Variants in LDLRAD4 observed in about 807,000 individuals in gnomAD.
LDLRAD4 encodes the protein low-density lipoprotein receptor class A domain-containing protein 4.
In LDLRAD4, 5 loss-of-function variants were observed where a neutral mutation model predicts 17.0. That is an observed-to-expected ratio of 0.29 (90% CI 0.15 to 0.62). The LOEUF (loss-of-function observed/expected upper bound fraction) is 0.62, where lower values mean the gene tolerates loss of function less well. LDLRAD4 is among the 20% of genes least tolerant of loss of function. The pLI, the probability that LDLRAD4 is intolerant of heterozygous loss-of-function variation, is 0.84. For missense variants in LDLRAD4, 340 were observed against 424.7 expected (o/e 0.80, Z 1.75); for synonymous variants, 168 against 171.8 (o/e 0.98, Z 0.17).
intron 3 of LDLRAD4, chr18:13,612,759 C>T (rs866461111): frequency 1.2e-6 from 2 of 1,613,912 alleles, no homozygotes; most frequent in Non-Finnish European, 1.7e-6. Context: ...GTTCAAAGAC[C>T]TGTTCTTAAA....
rs187119034 is a variant in LDLRAD4 at position 13,638,989 on chromosome 18, C to A, written c.337-4370C>A. ...AACAGCTGGGTGAATGGCTGCCTCC[C>A]TTTTGGTTGTTATTACAAGGAAATA... On this transcript the variant is annotated intron_variant, in intron 4 of 5. Coordinates refer to ENST00000359446, the Ensembl canonical transcript of LDLRAD4. 1.6e-3 allele frequency among the ~76,000 whole-genome samples: 250 copies of A among 152,300 alleles called. 1 individual carries two copies. Among genetic ancestry groups the A allele is most frequent in the African/African-American group, 5.8e-3 (242 of 41,574 alleles).
At chr18:13,572,208 G>T (rs2094702337) in intron 3 of LDLRAD4, among the ~76,000 whole-genome samples, 1 of 152,246 alleles carries the variant, frequency 6.6e-6, no homozygotes, top group African/African-American at 2.4e-5. Context: ...AAGTGAGCAT[G>T]TACTACATTG....
chr18:13,639,310 A>G (rs1393408130), intron 4 of LDLRAD4, among the ~76,000 whole-genome samples: 1 of 152,142 alleles, frequency 6.6e-6, no homozygotes, highest in Non-Finnish European at 1.5e-5. Context: ...GAGACCCCCA[A>G]CCTAGACAAG....
intron 2 of LDLRAD4, among the ~76,000 whole-genome samples, chr18:13,433,322 G>A (rs899977933): frequency 3.3e-5 from 5 of 152,206 alleles, no homozygotes; most frequent in Admixed American, 1.3e-4. Flanking sequence ...GTTTGTGAAT[G>A]ATAGAAGTGT....
At position 13,621,004 on chromosome 18, in the gene LDLRAD4, C is replaced by G. The variant is rs1169948711; in HGVS notation, c.182-113C>G. 1.4e-6 allele frequency: 2 copies of G among 1,445,910 alleles called. No individual in the cohort carries two copies. Among genetic ancestry groups the G allele is most frequent in the Non-Finnish European group, 1.9e-6 (2 of 1,041,922 alleles). 89.6% of individuals were successfully genotyped at this position (1,445,910 alleles called of 1,614,324 possible). On this transcript the variant is annotated intron_variant, in intron 3 of 5. Transcript: ENST00000359446. This position sits in a 1 kb window ranked among gnomAD's most constrained non-coding sequence, Gnocchi z 5.5. ...CTGTGTCCTGCTGGCCTCTGAGGAA[C>G]AGACGTGTGTGAGAGGCCTTCAGGG...
intron 1 of LDLRAD4, among the ~76,000 whole-genome samples, chr18:13,317,446 C>G (rs1282916992): frequency 1.3e-5 from 2 of 152,116 alleles, no homozygotes; most frequent in African/African-American, 4.8e-5. Context: ...TTTTGATGGA[C>G]TTACAGATAA....
At chr18:13,369,175 G>C (rs1041116641) in intron 1 of LDLRAD4, among the ~76,000 whole-genome samples, 1 of 152,216 alleles carries the variant, frequency 6.6e-6, no homozygotes, top group Non-Finnish European at 1.5e-5. Context: ...GGGGACGTGG[G>C]AACTGATCAT....
chr18:13,294,839 A>T (rs56232604), intron 1 of LDLRAD4, among the ~76,000 whole-genome samples: 34,251 of 151,196 alleles, frequency 0.23, 4,091 homozygotes, highest in Middle Eastern at 0.33. Context: ...AAAAAAAAAA[A>T]GTTGTCTTTT....
chr18:13,498,845 C>T (rs1226393424), intron 3 of LDLRAD4, among the ~76,000 whole-genome samples: 17 of 132,548 alleles, frequency 1.3e-4, no homozygotes, highest in South Asian at 2.5e-4. Context: ...TGTCCCCAGC[C>T]GTAGACACTG....
chr18:13,589,124 AG>A (rs1353999209), intron 3 of LDLRAD4, among the ~76,000 whole-genome samples: 2 of 151,706 alleles, frequency 1.3e-5, no homozygotes, highest in Non-Finnish European at 2.9e-5. Flanking sequence ...AGTAGGGATG[AG>A]GTTTTGCTGT....
intron 3 of LDLRAD4, among the ~76,000 whole-genome samples, chr18:13,492,691 G>C (rs1434043355): frequency 5.3e-5 from 8 of 152,202 alleles, no homozygotes. Flanking sequence ...CTGCTCAGAA[G>C]ATGGAGCTCT....
intron 3 of LDLRAD4, among the ~76,000 whole-genome samples, chr18:13,609,159 C>T (rs2039242608): frequency 6.6e-6 from 1 of 152,188 alleles, no homozygotes; most frequent in Non-Finnish European, 1.5e-5. Context: ...CACAGACTTC[C>T]CTCTCCCATG....
chr18:13,544,189 T>G (rs1259946048), intron 3 of LDLRAD4, among the ~76,000 whole-genome samples: 1 of 152,244 alleles, frequency 6.6e-6, no homozygotes, highest in Non-Finnish European at 1.5e-5. Context: ...GAAAAACGTG[T>G]TGATTGCCTG....
chr18:13,338,814 G>C (rs1470208761), intron 1 of LDLRAD4, among the ~76,000 whole-genome samples: 1 of 152,090 alleles, frequency 6.6e-6, no homozygotes, highest in Non-Finnish European at 1.5e-5. Flanking sequence ...AGAGACTCAG[G>C]GTGCAGAAGA....
intron 1 of LDLRAD4, among the ~76,000 whole-genome samples, chr18:13,286,772 G>A (rs763702429): frequency 2.6e-5 from 4 of 152,162 alleles, no homozygotes; most frequent in Non-Finnish European, 5.9e-5. Flanking sequence ...CAGCCAGGAA[G>A]GACAGTGAGG....
At chr18:13,429,619 C>T (rs1341698557) in intron 2 of LDLRAD4, among the ~76,000 whole-genome samples, 1 of 152,250 alleles carries the variant, frequency 6.6e-6, no homozygotes, top group Non-Finnish European at 1.5e-5. Flanking sequence ...TATAGAATCA[C>T]TGATCATAAG....
chr18:13,271,771 A>G (rs1401763805), intron 1 of LDLRAD4, among the ~76,000 whole-genome samples: 2 of 151,990 alleles, frequency 1.3e-5, no homozygotes, highest in African/African-American at 4.8e-5. Context: ...TTAGGCACAT[A>G]GACTGCTTTT....
At chr18:13,556,156 T>G (rs2094481236) in intron 3 of LDLRAD4, among the ~76,000 whole-genome samples, 1 of 152,234 alleles carries the variant, frequency 6.6e-6, no homozygotes, top group Admixed American at 6.5e-5. Flanking sequence ...GGAAACTTGA[T>G]TTCAGTTAAG....
intron 1 of LDLRAD4, among the ~76,000 whole-genome samples, chr18:13,344,092 T>C (rs1307553839): frequency 6.6e-6 from 1 of 152,218 alleles, no homozygotes; most frequent in Non-Finnish European, 1.5e-5. Context: ...TTTAATTAGA[T>C]CCCATTTGTC....
Sources: gnomAD v4.1 joint callset for allele counts (sites outside exome capture counted in the v4.1 genomes callset) on GRCh38, gnomAD v4.1.1 for gene constraint, Gnocchi (gnomAD v3.1) non-coding constraint, MANE v1.5 for transcripts, NCBI Gene and HGNC (gene_info 2026-07-23, HGNC 2026-07-21) for gene names.